The following NAALADL2 variants were observed in gnomAD, a reference collection of about 807,000 sequenced individuals.
The protein encoded by NAALADL2 is N-acetylated alpha-linked acidic dipeptidase like 2.
A neutral mutation model predicts 87.2 loss-of-function variants in NAALADL2; 76 were observed. The ratio of observed to expected loss-of-function variants is 0.87; its 90% CI spans 0.72 to 1.05. The LOEUF (loss-of-function observed/expected upper bound fraction) is 1.05, where lower values mean the gene tolerates loss of function less well. NAALADL2 is among the 50% of genes least tolerant of loss of function. The pLI is 0.00. For missense variants in NAALADL2, 1,089 were observed against 945.8 expected, an observed-to-expected ratio of 1.15 and a Z score of -1.99; for synonymous variants, 354 against 331.0, an observed-to-expected ratio of 1.07 and a Z score of -0.75.
At chr3:175,434,767 G>T (rs371907900) in intron 5 of NAALADL2, among the ~76,000 whole-genome samples, 269 of 152,068 alleles carry the variant, frequency 1.8e-3, no homozygotes, top group African/African-American at 5.9e-3. Flanking sequence ...GAGATGGAAA[G>T]CTTCTCAGGG....
chr3:175,715,105 T>C (rs1004382249), intron 11 of NAALADL2, among the ~76,000 whole-genome samples: 2 of 152,328 alleles, frequency 1.3e-5, no homozygotes, highest in Admixed American at 6.5e-5. Flanking sequence ...GTATTAATCA[T>C]ACGTGGAACC....
intron 1 of NAALADL2, among the ~76,000 whole-genome samples, chr3:175,043,674 A>C (rs1400771601): frequency 6.6e-6 from 1 of 152,154 alleles, no homozygotes; most frequent in Non-Finnish European, 1.5e-5. Flanking sequence ...CTCTTGTCAA[A>C]TTAGTTGACC....
At chr3:175,393,839 C>G (rs1278159336) in intron 5 of NAALADL2, among the ~76,000 whole-genome samples, 1 of 152,180 alleles carries the variant, frequency 6.6e-6, no homozygotes, top group Non-Finnish European at 1.5e-5. Flanking sequence ...GAAAATTGTC[C>G]TAAAAATGTC....
chr3:174,869,444 A>G (rs1727532915), intron 1 of NAALADL2, among the ~76,000 whole-genome samples: 2 of 152,186 alleles, frequency 1.3e-5, no homozygotes, highest in Admixed American at 6.5e-5. Context: ...GAAGAAGATG[A>G]GGACTTGGAT....
chr3:174,731,267 C>T (rs962917508), intron 2 of NAALADL2, among the ~76,000 whole-genome samples: 4 of 151,962 alleles, frequency 2.6e-5, no homozygotes, highest in Non-Finnish European at 2.9e-5. Flanking sequence ...ACAGGCAGTC[C>T]GATAAAAATT....
At chr3:175,328,875 A>G (rs1307258363) in intron 5 of NAALADL2, among the ~76,000 whole-genome samples, 2 of 152,228 alleles carry the variant, frequency 1.3e-5, no homozygotes, top group Non-Finnish European at 2.9e-5. Context: ...AGTAAAAAAT[A>G]TGTATCTTTA....
Position 175,635,805 on chromosome 3 carries a change from G to A in NAALADL2, c.1896+8419G>A, listed in dbSNP as rs1728447410. Among the ~76,000 whole-genome samples the A allele has an allele frequency of 2.0e-5, 3 of 152,192 alleles. No homozygotes were observed. In the South Asian group the frequency reaches 6.2e-4, roughly 32 times the overall value. Reference sequence around the variant, plus strand: ...ATACCATTCTCAAGGTGCTGTAGAAGTACAGAGACGAAGGGCAGAATACTG... The same window carrying A: ...ATACCATTCTCAAGGTGCTGTAGAAATACAGAGACGAAGGGCAGAATACTG... On this transcript the variant is annotated intron_variant, in intron 11 of 13. Coordinates refer to ENST00000454872, the MANE Select transcript of NAALADL2 (RefSeq NM_207015.3).
At chr3:175,431,699 C>T (rs1717792281) in intron 5 of NAALADL2, among the ~76,000 whole-genome samples, 1 of 151,976 alleles carries the variant, frequency 6.6e-6, no homozygotes, top group Admixed American at 6.6e-5. Flanking sequence ...TCTGTGTGAA[C>T]AGGTCAGGAT....
chr3:174,548,148 C>T (rs201980116), intron 1 of NAALADL2, among the ~76,000 whole-genome samples: 2 of 152,060 alleles, frequency 1.3e-5, no homozygotes, highest in Non-Finnish European at 2.9e-5. Context: ...TAGTTCATTA[C>T]GAACTGTGTA....
intron 5 of NAALADL2, among the ~76,000 whole-genome samples, chr3:175,335,059 A>G (rs891343645): frequency 6.6e-6 from 1 of 152,160 alleles, no homozygotes; most frequent in African/African-American, 2.4e-5. Context: ...AGCAGCTGAG[A>G]CAACAGGCTC....
chr3:175,073,531 A>G (rs1406798438), intron 1 of NAALADL2, among the ~76,000 whole-genome samples: 3 of 152,088 alleles, frequency 2.0e-5, no homozygotes, highest in Non-Finnish European at 4.4e-5. Context: ...GGCTCATTTT[A>G]CTAATACAAT....
At chr3:174,753,079 T>G (rs1245022847) in intron 3 of NAALADL2, among the ~76,000 whole-genome samples, 1 of 152,178 alleles carries the variant, frequency 6.6e-6, no homozygotes, top group Non-Finnish European at 1.5e-5. Context: ...CAAATTTACC[T>G]TCTTGTTGAT....
At chr3:175,305,756 A>G (rs1389506071) in intron 4 of NAALADL2, among the ~76,000 whole-genome samples, 1 of 152,142 alleles carries the variant, frequency 6.6e-6, no homozygotes, top group Non-Finnish European at 1.5e-5. Context: ...TCCTGACCTC[A>G]GGTGATCCAC....
chr3:175,128,177 C>T (rs990251395), intron 2 of NAALADL2, among the ~76,000 whole-genome samples: 4 of 152,060 alleles, frequency 2.6e-5, no homozygotes, highest in African/African-American at 9.7e-5. Context: ...AATACAGGAG[C>T]ATCTTGGATA....
chr3:174,849,104 AGTT>A (rs1237471296), intron 3 of NAALADL2, among the ~76,000 whole-genome samples: 1 of 152,160 alleles, frequency 6.6e-6, no homozygotes, highest in Non-Finnish European at 1.5e-5. Flanking sequence ...CAGAGTTGGA[AGTT>A]GTTCTGCGTG....
At chr3:175,619,238 A>AG (rs1241804853) in intron 10 of NAALADL2, among the ~76,000 whole-genome samples, 3 of 93,482 alleles carry the variant, frequency 3.2e-5, no homozygotes, top group Non-Finnish European at 4.6e-5. Context: ...AAAGAAAGAA[A>AG]GGAAGGAAGG....
intron 3 of NAALADL2, among the ~76,000 whole-genome samples, chr3:174,771,830 C>G (rs1289979405): frequency 6.6e-6 from 1 of 152,136 alleles, no homozygotes; most frequent in African/African-American, 2.4e-5. Context: ...TGGAAAATTT[C>G]AGACATTTTT....
At chr3:174,973,485 T>C (rs1257125601) in intron 1 of NAALADL2, among the ~76,000 whole-genome samples, 1 of 152,216 alleles carries the variant, frequency 6.6e-6, no homozygotes, top group East Asian at 1.9e-4. Context: ...ATAGCTCTAA[T>C]TGATATTTGT....
Position 174,897,000 on chromosome 3 carries a change from T to C in NAALADL2, c.43+37550T>C, listed in dbSNP as rs137943451. ...AAACAAATGAAACTGTGTCTCACCA[T>C]ATACAAAAATAAAATTGAAGTGGAT... On this transcript the variant is annotated intron_variant, in intron 1 of 13. Transcript: ENST00000454872. 3.1e-3 allele frequency among the ~76,000 whole-genome samples: 465 copies of C among 152,260 alleles called. 2 individuals carry two copies. The highest frequency in any genetic ancestry group is 0.011 in the African/African-American group (443 of 41,564).
Sources: allele counts gnomAD v4.1 joint callset (sites outside exome capture counted in the v4.1 genomes callset), GRCh38; gene constraint gnomAD v4.1.1; transcripts MANE v1.5; gene names NCBI Gene and HGNC (gene_info 2026-07-23, HGNC 2026-07-21).